INPP4B: variants seen among roughly 807,000 people sequenced by gnomAD.
INPP4B encodes inositol polyphosphate-4-phosphatase type II B.
A neutral mutation model predicts 122.5 loss-of-function variants in INPP4B; 55 were observed. The observed-to-expected ratio is 0.45, with a 90% CI of 0.36 to 0.56. The LOEUF (loss-of-function observed/expected upper bound fraction) is 0.56. Ranked by LOEUF, INPP4B falls within the 20% of genes least tolerant of loss-of-function variation. The pLI is 0.00. For synonymous variants in INPP4B, 403 were observed against 388.7 expected (o/e 1.04, Z -0.43); for missense variants, 1,000 against 1,097.7 (o/e 0.91, Z 1.26).
At chr4:142,664,586 AAAGAT>A (rs1245763240) in intron 2 of INPP4B, among the ~76,000 whole-genome samples, 1 of 152,182 alleles carries the variant, frequency 6.6e-6, no homozygotes, top group Non-Finnish European at 1.5e-5. Context: ...ACTGAAGACT[AAAGAT>A]AACAGTAAAA....
intron 5 of INPP4B, among the ~76,000 whole-genome samples, chr4:142,409,517 A>G (rs1317622075): frequency 1.3e-5 from 2 of 151,956 alleles, no homozygotes; most frequent in African/African-American, 2.4e-5. Context: ...AAATAAATAA[A>G]TAAATAAAGA....
chr4:142,840,402 TC>T (rs1482664695), intron 1 of INPP4B, among the ~76,000 whole-genome samples: 1 of 152,158 alleles, frequency 6.6e-6, no homozygotes, highest in African/African-American at 2.4e-5. Flanking sequence ...TAAGTTTTTT[TC>T]TATCATGTTC....
At chr4:142,062,889 A>G (rs754213183) in intron 25 of INPP4B, among the ~76,000 whole-genome samples, 2 of 152,216 alleles carry the variant, frequency 1.3e-5, no homozygotes, top group African/African-American at 2.4e-5. Context: ...TCCAACAGAA[A>G]CACATATGTA....
intron 12 of INPP4B, among the ~76,000 whole-genome samples, chr4:142,210,883 T>C (rs1201993930): frequency 1.3e-5 from 2 of 152,150 alleles, no homozygotes; most frequent in Non-Finnish European, 2.9e-5. Context: ...CTGGGGGTGG[T>C]GTACATTTCC....
At chr4:142,281,995 A>G (rs1476260664) in intron 9 of INPP4B, among the ~76,000 whole-genome samples, 1 of 152,148 alleles carries the variant, frequency 6.6e-6, no homozygotes, top group African/African-American at 2.4e-5. Context: ...TAATCCATGC[A>G]CAATAATGTA....
chr4:142,779,331 T>C (rs536210627), intron 1 of INPP4B, among the ~76,000 whole-genome samples: 2 of 152,264 alleles, frequency 1.3e-5, no homozygotes, highest in East Asian at 3.9e-4. Flanking sequence ...GTTTTAATTA[T>C]ATAAAGTCCC....
intron 2 of INPP4B, among the ~76,000 whole-genome samples, chr4:142,510,936 A>G (rs1824630913): frequency 6.6e-6 from 1 of 152,152 alleles, no homozygotes; most frequent in African/African-American, 2.4e-5. Context: ...TTTTACTTCC[A>G]AATTTTCTAA....
At chr4:142,317,371 C>A in intron 7 of INPP4B, 1 of 325,864 alleles carries the variant, frequency 3.1e-6, no homozygotes, top group Non-Finnish European at 6.2e-6. Context: ...AGATTACATG[C>A]TTATGATCAA....
intron 7 of INPP4B, among the ~76,000 whole-genome samples, chr4:142,400,138 A>G (rs1314491005): frequency 6.6e-6 from 1 of 152,210 alleles, no homozygotes; most frequent in Non-Finnish European, 1.5e-5. Context: ...TCTAGTACAA[A>G]TATGTATGCA....
intron 2 of INPP4B, among the ~76,000 whole-genome samples, chr4:142,713,425 T>C (rs1274287931): frequency 6.6e-6 from 1 of 152,036 alleles, no homozygotes; most frequent in Non-Finnish European, 1.5e-5. Flanking sequence ...AAGTGGAAAA[T>C]CTGAGAAAGA....
At chr4:142,126,746 G>C (rs548955692) in intron 18 of INPP4B, among the ~76,000 whole-genome samples, 1 of 151,848 alleles carries the variant, frequency 6.6e-6, no homozygotes, top group Non-Finnish European at 1.5e-5. Context: ...TTATGTCATT[G>C]TCATGTGTAA....
intron 1 of INPP4B, among the ~76,000 whole-genome samples, chr4:142,754,710 T>C (rs1770251257): frequency 6.6e-6 from 1 of 152,042 alleles, no homozygotes; most frequent in Non-Finnish European, 1.5e-5. Flanking sequence ...AATGTGTTTT[T>C]TTTAGTGAAT....
intron 1 of INPP4B, among the ~76,000 whole-genome samples, chr4:142,835,949 A>T (rs1376233557): frequency 1.3e-5 from 2 of 152,154 alleles, no homozygotes; most frequent in Admixed American, 1.3e-4. Flanking sequence ...ACGGGGTGCT[A>T]TGGGGCATAG....
chr4:142,690,824 G>A (rs2150721355), intron 2 of INPP4B, among the ~76,000 whole-genome samples: 1 of 152,176 alleles, frequency 6.6e-6, no homozygotes, highest in South Asian at 2.1e-4. Flanking sequence ...AATAAGTCCT[G>A]AGGACCCCAG....
chr4:142,744,830 A>C (rs75387105), intron 1 of INPP4B, among the ~76,000 whole-genome samples: 4,128 of 151,960 alleles, frequency 0.027, 77 homozygotes, highest in Middle Eastern at 0.095. Flanking sequence ...GAGTCATAAA[A>C]ATAAATAGAC....
intron 9 of INPP4B, among the ~76,000 whole-genome samples, chr4:142,305,105 G>C (rs937387013): frequency 6.6e-6 from 1 of 152,016 alleles, no homozygotes; most frequent in Admixed American, 6.6e-5. Context: ...TTCAAATCTG[G>C]AAAGTTATTT....
At chr4:142,615,014 C>T (rs894064309) in intron 2 of INPP4B, among the ~76,000 whole-genome samples, 8 of 152,126 alleles carry the variant, frequency 5.3e-5, no homozygotes, top group African/African-American at 1.7e-4. Context: ...TAGAACTACC[C>T]TTTGATTCAG....
At chr4:142,218,218 A>T (rs1848099534) in intron 12 of INPP4B, among the ~76,000 whole-genome samples, 1 of 152,156 alleles carries the variant, frequency 6.6e-6, no homozygotes, top group Non-Finnish European at 1.5e-5. Flanking sequence ...AATATAGTTT[A>T]GGCTCTTCCA....
intron 21 of INPP4B, among the ~76,000 whole-genome samples, chr4:142,114,174 A>G (rs1791740460): frequency 6.6e-6 from 1 of 152,012 alleles, no homozygotes; most frequent in Non-Finnish European, 1.5e-5. Flanking sequence ...ATAGAATTCT[A>G]TTGTATCGAT....
Sources: gnomAD v4.1 joint callset for allele counts (sites outside exome capture counted in the v4.1 genomes callset) on GRCh38, gnomAD v4.1.1 for gene constraint, MANE v1.5 for transcripts, NCBI Gene and HGNC (gene_info 2026-07-23, HGNC 2026-07-21) for gene names.